The following SPPL3 variants were observed in gnomAD, a reference collection of about 807,000 sequenced individuals.
SPPL3 encodes signal peptide peptidase like 3, also known as signal peptide peptidase-like 3.
SPPL3 carries 5 observed loss-of-function variants against 42.4 expected under a neutral mutation model. The observed-to-expected ratio is 0.12, with a 90% confidence interval of 0.06 to 0.25. SPPL3 has a LOEUF of 0.25. SPPL3 is among the 10% of genes least tolerant of loss of function. SPPL3 has a pLI of 1.00. For synonymous variants in SPPL3, 195 were observed against 181.8 expected, an observed-to-expected ratio of 1.07 and a Z score of -0.58; for missense variants, 235 against 489.0, an observed-to-expected ratio of 0.48 and a Z score of 4.90.
chr12:120,774,511 G>A (rs898868032), intron 6 of SPPL3, among the ~76,000 whole-genome samples: 4 of 152,102 alleles, frequency 2.6e-5, no homozygotes, highest in African/African-American at 4.8e-5. Flanking sequence ...CTCCATCTGC[G>A]TTAAGCTGAA....
intron 8 of SPPL3, 112 bp downstream of exon 8, chr12:120,768,213 G>A: frequency 7.5e-7 from 1 of 1,334,572 alleles, no homozygotes. Flanking sequence ...GCAGCATGGA[G>A]ATAATGGCCC....
At chr12:120,773,744 C>T (rs1326212288) in intron 6 of SPPL3, among the ~76,000 whole-genome samples, 1 of 152,218 alleles carries the variant, frequency 6.6e-6, no homozygotes, top group East Asian at 1.9e-4. Flanking sequence ...CAAGTGACTA[C>T]CAGCGCCCGC....
chr12:120,819,913 C>T (rs1871000883), intron 1 of SPPL3, among the ~76,000 whole-genome samples: 1 of 152,034 alleles, frequency 6.6e-6, no homozygotes, highest in African/African-American at 2.4e-5. Flanking sequence ...GAGGGCGCAC[C>T]AGAGGTTTTA....
chr12:120,784,426 A>T, intron 4 of SPPL3, 48 bp downstream of exon 4: 1 of 1,504,516 alleles, frequency 6.6e-7, no homozygotes, highest in Non-Finnish European at 8.9e-7. Context: ...AAAGGTGAAA[A>T]ATTTTCCTTT....
chr12:120,885,098 C>A (rs995438153), intron 1 of SPPL3, among the ~76,000 whole-genome samples: 1 of 152,098 alleles, frequency 6.6e-6, no homozygotes, highest in Non-Finnish European at 1.5e-5. Context: ...GTAATACCAA[C>A]AAATCAAAGC....
At chr12:120,807,391 G>A (rs1241008745) in intron 2 of SPPL3, among the ~76,000 whole-genome samples, 1 of 152,034 alleles carries the variant, frequency 6.6e-6, no homozygotes, top group Non-Finnish European at 1.5e-5. Context: ...AAAGAAAACG[G>A]GAGGCTGGGC....
intron 1 of SPPL3, among the ~76,000 whole-genome samples, chr12:120,848,271 T>C (rs1872108929): frequency 6.6e-6 from 1 of 152,146 alleles, no homozygotes; most frequent in Non-Finnish European, 1.5e-5. Context: ...CACTTTCTAA[T>C]GTACAGGATC....
chr12:120,819,862 T>C (rs566898881), intron 1 of SPPL3, among the ~76,000 whole-genome samples: 74 of 152,296 alleles, frequency 4.9e-4, no homozygotes, highest in African/African-American at 1.7e-3. Context: ...GAGAACACCA[T>C]GATTACCAGG....
rs187229896 is a variant in SPPL3 at position 120,858,216 on chromosome 12, G to A, written c.23+45629C>T. ...ATCATGGCTGGGCACTGTGGCTCACGCCTGTAATTCCAGTACTTTGGGAGG... is the reference window on the plus strand; with the variant it reads ...ATCATGGCTGGGCACTGTGGCTCACACCTGTAATTCCAGTACTTTGGGAGG... On this transcript the variant is annotated intron_variant, in intron 1 of 10. Transcript: ENST00000353487. Among the ~76,000 whole-genome samples, 8 of 152,166 alleles carry A rather than the reference G, an allele frequency of 5.3e-5. No individual in the cohort carries two copies. The East Asian group carries it at 7.7e-4, about 15-fold the overall frequency.
intron 1 of SPPL3, chr12:120,835,308 C>T (rs1024615136): frequency 2.0e-5 from 3 of 152,236 alleles, no homozygotes; most frequent in African/African-American, 7.2e-5. Flanking sequence ...ACCACACCTA[C>T]CCTTAACCAT....
chr12:120,813,317 G>A lies in SPPL3; in HGVS notation c.24-2431C>T, dbSNP rs567082537. Among the ~76,000 whole-genome samples, 243 of 143,732 alleles carry A rather than the reference G, an allele frequency of 1.7e-3. 1 individual carries two copies. The highest frequency in any genetic ancestry group is 6.3e-3 in the African/African-American group (228 of 36,180). The allele number at this position is 143,732 out of a possible 152,430, so 94.3% of individuals were successfully genotyped here. ...ATAATGGCAGGCTTTTGGATCCTCA[G>A]CTTTTTTTTTTTTTTTTGAGACGGA... On this transcript the variant is annotated intron_variant, in intron 1 of 10. Coordinates refer to ENST00000353487, the MANE Select transcript of SPPL3 (RefSeq NM_139015.5).
chr12:120,791,714 C>A, intron 2 of SPPL3, 157 bp from the exon 3 acceptor site: 1 of 577,530 alleles, frequency 1.7e-6, no homozygotes, highest in Non-Finnish European at 3.0e-6. Flanking sequence ...AAAAAACAAT[C>A]TTCAGTCCTT....
At chr12:120,827,554 G>A (rs1265882029) in intron 1 of SPPL3, among the ~76,000 whole-genome samples, 1 of 152,050 alleles carries the variant, frequency 6.6e-6, no homozygotes, top group Non-Finnish European at 1.5e-5. Context: ...AGGTCAAACA[G>A]CTGCACAGCT....
chr12:120,871,144 A>AAAAAAAAAAAAAAAAAAAAAAAG (rs61249398), intron 1 of SPPL3, among the ~76,000 whole-genome samples: 2 of 142,118 alleles, frequency 1.4e-5, no homozygotes, highest in African/African-American at 5.9e-5. Flanking sequence ...AAAAAAAAAA[A>AAAAAAAAAAAAAAAAAAAAAAAG]AAAAAGAAAA....
chr12:120,880,762 G>C (rs1296695101), intron 1 of SPPL3, among the ~76,000 whole-genome samples: 2 of 151,720 alleles, frequency 1.3e-5, no homozygotes, highest in Admixed American at 6.6e-5. Flanking sequence ...ACTCTAGCCT[G>C]GGCGACAGAG....
chr12:120,787,838 T>C (rs1286914847), intron 3 of SPPL3, among the ~76,000 whole-genome samples: 1 of 152,238 alleles, frequency 6.6e-6, no homozygotes, highest in Non-Finnish European at 1.5e-5. Context: ...TTGTGAGAAT[T>C]ATCCATGCTG....
At chr12:120,878,436 C>T (rs1873179984) in intron 1 of SPPL3, among the ~76,000 whole-genome samples, 1 of 152,186 alleles carries the variant, frequency 6.6e-6, no homozygotes. Flanking sequence ...ATACTAAAAG[C>T]AATGCCTAAT....
At chr12:120,777,834 TGCTAAACAAA>T (rs1869380187) in intron 6 of SPPL3, among the ~76,000 whole-genome samples, 1 of 152,170 alleles carries the variant, frequency 6.6e-6, no homozygotes, top group Non-Finnish European at 1.5e-5. Flanking sequence ...GAATACAAGA[TGCTAAACAAA>T]TGACCAAACC....
chr12:120,835,759 T>C (rs527436305), intron 1 of SPPL3: 1 of 152,266 alleles, frequency 6.6e-6, no homozygotes, highest in Admixed American at 6.5e-5. Context: ...CCCTGCTATT[T>C]TAGGATCACA....
Sources: allele counts gnomAD v4.1 joint callset (sites outside exome capture counted in the v4.1 genomes callset), GRCh38; gene constraint gnomAD v4.1.1; transcripts MANE v1.5; gene names NCBI Gene and HGNC (gene_info 2026-07-23, HGNC 2026-07-21).